Variants in TECPR2 observed in about 807,000 individuals in gnomAD.
The protein encoded by TECPR2 is tectonin beta-propeller repeat containing 2.
Under a neutral mutation model 138.1 loss-of-function variants are expected in TECPR2, and 65 were observed. The observed-to-expected ratio is 0.47, with a 90% confidence interval of 0.39 to 0.58. The LOEUF is 0.58. Ranked by LOEUF, TECPR2 falls within the 20% of genes least tolerant of loss-of-function variation. The pLI is 0.00. For synonymous variants in TECPR2, 746 were observed against 749.8 expected (o/e 0.99, Z 0.08); for missense variants, 1,553 against 1,824.5 (o/e 0.85, Z 2.71).
In TECPR2 at chr14:102,415,687, T is replaced by C. The variant is rs17717648; in HGVS notation, c.638+894T>C. ...GGCATTAGTACAGATCATGCGTTGA[T>C]GAGTCTACAGTCATGGATTGTCGAT... On this transcript the variant is annotated intron_variant, in intron 5 of 19. Transcript: ENST00000359520. This position sits in a 1 kb window ranked among gnomAD's most constrained non-coding sequence, Gnocchi z 4.3. 0.027 allele frequency among the ~76,000 whole-genome samples: 4,144 copies of C among 152,202 alleles called. 76 individuals carry two copies. Among genetic ancestry groups the C allele is most frequent in the Middle Eastern group, 0.089 (26 of 292 alleles).
In TECPR2 at chr14:102,428,241, TTTTGA is replaced by T; in HGVS notation, c.952-8_952-4del. On this transcript the variant is annotated splice_polypyrimidine_tract_variant and splice_region_variant and intron_variant, in intron 6 of 19. Transcript: ENST00000359520. Reference sequence around the variant, plus strand: ...TTTTTTGTTTTTTTTTTTTTTTTTTTTTTGACAGGCCACAGTTGCTGGTTTGGAAG... The same window carrying T: ...TTTTTTGTTTTTTTTTTTTTTTTTTTCAGGCCACAGTTGCTGGTTTGGAAG... 6.9e-7 allele frequency: 1 copy of T among 1,453,504 alleles called. No individual in the cohort carries two copies. The highest frequency in any genetic ancestry group is 9.1e-7 in the Non-Finnish European group (1 of 1,101,374). 90.0% of individuals were successfully genotyped at this position (1,453,504 alleles called of 1,614,324 possible).
chr14:102,434,366 G>T lies in TECPR2; in HGVS notation c.1549G>T (p.Asp517Tyr). Residue 517 changes from aspartate (D) to tyrosine (Y), a missense_variant, in exon 9 of 20, where the codon GAT (aspartate) becomes TAT (tyrosine). By Grantham distance (160) the Asp-to-Tyr change is radical. Transcript: ENST00000359520. Reference sequence around the variant, plus strand: ...CTCAAGTGTCCTGGGCAGTAGCGTGGATCAGTTAAGTGCAGAGTCTCCAGA... The same window carrying T: ...CTCAAGTGTCCTGGGCAGTAGCGTGTATCAGTTAAGTGCAGAGTCTCCAGA... The part of the protein sequence containing the change: ...MTSSVLGSSV[D>Y]QLSAESPDQE... 2 of 1,522,364 alleles carry T rather than the reference G, an allele frequency of 1.3e-6. No individual in the cohort carries two copies. Among genetic ancestry groups the T allele is most frequent in the Non-Finnish European group, 1.8e-6 (2 of 1,135,588 alleles). 94.3% of individuals were successfully genotyped at this position (1,522,364 alleles called of 1,614,324 possible).
At chr14:102,437,900 G>A (rs1191144385) in intron 9 of TECPR2, 122 bp from the exon 10 acceptor site, 31 of 1,158,510 alleles carry the variant, frequency 2.7e-5, no homozygotes, top group Non-Finnish European at 3.3e-5. Context: ...TTGACTTGGC[G>A]TCTTGCTGAC....
chr14:102,423,597 C>CT (rs1238998375), intron 5 of TECPR2, among the ~76,000 whole-genome samples: 2 of 152,026 alleles, frequency 1.3e-5, no homozygotes, highest in African/African-American at 4.8e-5. Flanking sequence ...CTGGGCTAGA[C>CT]TATGTGGGTG....
Position 102,501,799 on chromosome 14 carries a change from G to T in TECPR2, c.*3542G>T, listed in dbSNP as rs776103748. 4 of 152,152 alleles carry T rather than the reference G, an allele frequency of 2.6e-5. No individual in the cohort carries two copies. Among genetic ancestry groups the T allele is most frequent in the African/African-American group, 9.7e-5 (4 of 41,434 alleles). The allele number at this position is 152,152 out of a possible 1,614,324, so 9.4% of individuals were successfully genotyped here. A position where few individuals can be genotyped will look rare whatever the true frequency, so the allele number is the denominator to read the frequency against. On this transcript the variant is annotated 3_prime_UTR_variant, in exon 20 of 20. Transcript: ENST00000359520. ...AAATATATTTATTAAAAACCAATAG[G>T]AGGAGCACTTCGAGTCGAGTGTAAG...
Position 102,498,587 on chromosome 14 carries a change from C to T in TECPR2, c.*330C>T, listed in dbSNP as rs1028400239. ...CAGCTTTTGTTGGTGGGAGTGGTCTCCGGAGGCCTCCCAGAACCAAGGGTA... is the reference window on the plus strand; with the variant it reads ...CAGCTTTTGTTGGTGGGAGTGGTCTTCGGAGGCCTCCCAGAACCAAGGGTA... On this transcript the variant is annotated 3_prime_UTR_variant, in exon 20 of 20. Transcript: ENST00000359520. The T allele has an allele frequency of 1.8e-5, 8 of 435,534 alleles. No individual in the cohort carries two copies. The highest frequency in any genetic ancestry group is 3.4e-5 in the Non-Finnish European group (8 of 232,890). The allele number at this position is 435,534 out of a possible 1,614,324, so 27.0% of individuals were successfully genotyped here.
chr14:102,461,695 T>A (rs544483800), intron 16 of TECPR2, among the ~76,000 whole-genome samples: 1 of 152,280 alleles, frequency 6.6e-6, no homozygotes, highest in East Asian at 1.9e-4. Flanking sequence ...TCTAGGGCAG[T>A]GGTCCTCCAG....
In TECPR2 at chr14:102,474,074, G is replaced by T. The variant is rs757746881; in HGVS notation, c.3789+8785G>T. Among the ~76,000 whole-genome samples, 43 of 152,062 alleles carry T rather than the reference G, an allele frequency of 2.8e-4. 1 individual carries two copies. The Middle Eastern group carries it at 0.014, about 48-fold the overall frequency. ...GGAGTTCAAAATCAGCCTAGGCAGC[G>T]TAGTGAGACCCCGTCTCTACAGGTA... On this transcript the variant is annotated intron_variant, in intron 17 of 19. Transcript: ENST00000359520.
chr14:102,490,069 GTTGAGAC>G (rs1891121527), intron 17 of TECPR2, among the ~76,000 whole-genome samples: 1 of 152,168 alleles, frequency 6.6e-6, no homozygotes, highest in Non-Finnish European at 1.5e-5. Context: ...GCAAAGGTGT[GTTGAGAC>G]CGCCAGTGAA....
chr14:102,391,902 G>A (rs1888186523), intron 2 of TECPR2, among the ~76,000 whole-genome samples: 2 of 152,134 alleles, frequency 1.3e-5, no homozygotes, highest in Admixed American at 6.5e-5. Context: ...TTTGGAAAAC[G>A]TTTAGCCTTT....
rs761143078 is a variant in TECPR2, at chr14:102,452,520, A to G, written c.3533A>G (p.Gln1178Arg). The part of the protein sequence containing the change: ...EAEMRAYAAC[Q>R]DALWALDSLG... The stretch of plus-strand genomic sequence containing the variant: ...GAGATGCGCGCCTATGCCGCCTGCC[A>G]GGATGCGCTGTGGGCGCTGGACAGC... Residue 1178 changes from glutamine (Q) to arginine (R), a missense_variant, in exon 16 of 20, where the codon CAG (glutamine) becomes CGG (arginine). By Grantham distance (43) the Gln-to-Arg change is conservative (BLOSUM62 1). Transcript: ENST00000359520. 2.7e-5 allele frequency: 44 copies of G among 1,612,582 alleles called. No individual in the cohort carries two copies. The South Asian group carries it at 4.6e-4, about 17-fold the overall frequency.
chr14:102,428,118 G>C, intron 6 of TECPR2, 132 bp from the exon 7 acceptor site: 1 of 1,251,314 alleles, frequency 8.0e-7, no homozygotes, highest in Non-Finnish European at 1.1e-6. Flanking sequence ...GGAATTTTCA[G>C]AAAGTTACCA....
intron 1 of TECPR2, among the ~76,000 whole-genome samples, chr14:102,371,551 G>A (rs1005713863): frequency 1.3e-5 from 2 of 152,022 alleles, no homozygotes; most frequent in Non-Finnish European, 2.9e-5. Flanking sequence ...TGGCCCCCAG[G>A]CATGGCTGTC....
At chr14:102,394,790 G>A (rs1888271025) in intron 2 of TECPR2, among the ~76,000 whole-genome samples, 1 of 152,146 alleles carries the variant, frequency 6.6e-6, no homozygotes, top group African/African-American at 2.4e-5. Flanking sequence ...CTTTGTTGCT[G>A]CCATCCTTCT....
intron 7 of TECPR2, among the ~76,000 whole-genome samples, chr14:102,430,419 A>G (rs1253540095): frequency 6.6e-6 from 1 of 152,206 alleles, no homozygotes; most frequent in East Asian, 1.9e-4. Flanking sequence ...CCTCCCCTCC[A>G]GTCTCCAGTG....
At chr14:102,373,472 A>G (rs190078384) in intron 1 of TECPR2, among the ~76,000 whole-genome samples, 98 of 152,334 alleles carry the variant, frequency 6.4e-4, no homozygotes, top group Non-Finnish European at 1.1e-3. Context: ...GTAGGCTAAC[A>G]TAAGTATTCT....
chr14:102,460,403 C>T (rs1376776073), intron 16 of TECPR2, among the ~76,000 whole-genome samples: 2 of 151,952 alleles, frequency 1.3e-5, no homozygotes, highest in South Asian at 2.1e-4. Context: ...CACCTAAGGT[C>T]GGGAGTTTGA....
chr14:102,365,167 T>C (rs2139643828), intron 1 of TECPR2, among the ~76,000 whole-genome samples: 1 of 152,328 alleles, frequency 6.6e-6, no homozygotes, highest in South Asian at 2.1e-4. Flanking sequence ...TGAGCATTGA[T>C]TGTACCATAC....
rs148215158 is a variant in TECPR2 at position 102,393,189 on chromosome 14, T to C, written c.220-14149T>C. ...AGTTTGGGGGCATTCTTCTTGGTTT[T>C]GGGGTCCTGTGGATTTTCCATACTT... On this transcript the variant is annotated intron_variant, in intron 2 of 19. Transcript: ENST00000359520. Among the ~76,000 whole-genome samples the C allele has an allele frequency of 8.6e-4, 131 of 152,296 alleles. 1 individual carries two copies. Among genetic ancestry groups the C allele is most frequent in the African/African-American group, 3.1e-3 (127 of 41,578 alleles).
Sources: allele counts gnomAD v4.1 joint callset (sites outside exome capture counted in the v4.1 genomes callset), GRCh38; gene constraint gnomAD v4.1.1; non-coding constraint Gnocchi (gnomAD v3.1); transcripts MANE v1.5; gene names NCBI Gene and HGNC (gene_info 2026-07-23, HGNC 2026-07-21).